Variants in CSNK1G1 observed in about 807,000 individuals in gnomAD.
CSNK1G1 encodes casein kinase 1 gamma 1.
In CSNK1G1, 22 loss-of-function variants were observed where a neutral mutation model predicts 59.6. The observed-to-expected ratio is 0.37, with a 90% CI of 0.26 to 0.53. The LOEUF (loss-of-function observed/expected upper bound fraction) is 0.53, where lower values mean the gene tolerates loss of function less well. CSNK1G1 is among the 20% of genes least tolerant of loss of function. The pLI, the probability that CSNK1G1 is intolerant of heterozygous loss-of-function variation, is 0.89. For missense variants in CSNK1G1, 384 were observed against 519.5 expected, an observed-to-expected ratio of 0.74 and a Z score of 2.54; for synonymous variants, 179 against 177.1, an observed-to-expected ratio of 1.01 and a Z score of -0.08.
chr15:64,171,756 C>A lies in CSNK1G1; in HGVS notation c.*175G>T. 1 of 638,998 alleles carries A rather than the reference C, an allele frequency of 1.6e-6. No individual in the cohort carries two copies. The highest frequency in any genetic ancestry group is 2.8e-6 in the Non-Finnish European group (1 of 360,894). The allele number at this position is 638,998 out of a possible 1,614,324, so 39.6% of individuals were successfully genotyped here. Reference sequence around the variant, plus strand: ...TTAGGCAGGCGGAGATGGCCAATGACCCACTAGGCCCTGGCTGCCCGCACT... The same window carrying A: ...TTAGGCAGGCGGAGATGGCCAATGAACCACTAGGCCCTGGCTGCCCGCACT... On this transcript the variant is annotated 3_prime_UTR_variant, in exon 12 of 12. Transcript: ENST00000303052. The surrounding 1 kb of genome is among the most constrained non-coding windows in gnomAD (Gnocchi z 4.8).
At chr15:64,320,480 A>C (rs1896500703) in intron 1 of CSNK1G1, among the ~76,000 whole-genome samples, 1 of 151,920 alleles carries the variant, frequency 6.6e-6, no homozygotes, top group South Asian at 2.1e-4. Flanking sequence ...GGAGTTCAAG[A>C]CCAGCCTGGC....
In CSNK1G1 at chr15:64,286,361, TTATTGTTAACAA is replaced by T. The variant is rs976136997; in HGVS notation, c.181+13946_181+13957del. Among the ~76,000 whole-genome samples, 24 of 150,604 alleles carry T rather than the reference TTATTGTTAACAA, an allele frequency of 1.6e-4. 1 individual carries two copies. Among genetic ancestry groups the T allele is most frequent in the Admixed American group, 4.6e-4 (7 of 15,166 alleles). On this transcript the variant is annotated intron_variant, in intron 2 of 11. Transcript: ENST00000303052. ...TATTGTTAACAATATTGTTAACATGTTATTGTTAACAATATTGTTAACAATATATTGTTAACT... is the reference window on the plus strand; with the variant it reads ...TATTGTTAACAATATTGTTAACATGTTATTGTTAACAATATATTGTTAACT...
At chr15:64,215,512 C>G (rs1459545725) in intron 5 of CSNK1G1, among the ~76,000 whole-genome samples, 1 of 152,110 alleles carries the variant, frequency 6.6e-6, no homozygotes, top group Non-Finnish European at 1.5e-5. Flanking sequence ...ATTCCCAGCC[C>G]TTTTCTACTA....
chr15:64,211,768 A>G lies in CSNK1G1; in HGVS notation c.679+2122T>C, dbSNP rs531246392. Among the ~76,000 whole-genome samples, 6 of 152,318 alleles carry G rather than the reference A, an allele frequency of 3.9e-5. No individual in the cohort carries two copies. In the East Asian group the frequency reaches 1.2e-3, roughly 29 times the overall value. The stretch of plus-strand genomic sequence containing the variant: ...CAAAATTACATAGCTATTAAGAAAG[A>G]GCGCCAGGATTTGCATCCTTTTTCT... On this transcript the variant is annotated intron_variant, in intron 6 of 11. Transcript: ENST00000303052.
At chr15:64,313,037 T>C (rs1227851344) in intron 1 of CSNK1G1, among the ~76,000 whole-genome samples, 1 of 152,044 alleles carries the variant, frequency 6.6e-6, no homozygotes, top group African/African-American at 2.4e-5. Flanking sequence ...GAAATGCAAA[T>C]CAAAACCACA....
chr15:64,211,281 T>C (rs1472952205), intron 6 of CSNK1G1, among the ~76,000 whole-genome samples: 1 of 152,206 alleles, frequency 6.6e-6, no homozygotes, highest in East Asian at 1.9e-4. Context: ...TCATTTCTTC[T>C]TTGCAACACA....
chr15:64,175,793 A>T (rs1405790498), intron 11 of CSNK1G1, among the ~76,000 whole-genome samples: 2 of 152,222 alleles, frequency 1.3e-5, no homozygotes, highest in Non-Finnish European at 2.9e-5. Context: ...GCTGAATCAA[A>T]AAGTCAGATT....
intron 6 of CSNK1G1, among the ~76,000 whole-genome samples, chr15:64,209,778 G>A (rs762093929): frequency 9.2e-5 from 14 of 152,114 alleles, no homozygotes; most frequent in South Asian, 2.1e-4. Flanking sequence ...ATAGAGAAAC[G>A]ACTCTGCAGT....
At position 64,216,803 on chromosome 15, in the gene CSNK1G1, TA is replaced by T; in HGVS notation, c.293-91del. 2 of 1,198,432 alleles carry T rather than the reference TA, an allele frequency of 1.7e-6. No individual in the cohort carries two copies. The highest frequency in any genetic ancestry group is 2.5e-5 in the East Asian group (1 of 40,554). The allele number at this position is 1,198,432 out of a possible 1,614,324, so 74.2% of individuals were successfully genotyped here. A position where few individuals can be genotyped will look rare whatever the true frequency, so the allele number is the denominator to read the frequency against. On this transcript the variant is annotated intron_variant, in intron 4 of 11. Coordinates refer to ENST00000303052, the MANE Select transcript of CSNK1G1 (RefSeq NM_022048.5). The surrounding 1 kb of genome is among the most constrained non-coding windows in gnomAD (Gnocchi z 4.6). The stretch of plus-strand genomic sequence containing the variant: ...GTATTAGCACTGAATAAAATATTTT[TA>T]AAAGTACAATTTGTGAGATTTCCAT...
chr15:64,306,979 G>A (rs1895711973), intron 1 of CSNK1G1, among the ~76,000 whole-genome samples: 1 of 130,566 alleles, frequency 7.7e-6, no homozygotes, highest in South Asian at 2.9e-4. Context: ...TATTGTGGGT[G>A]GGGAGGGGGG....
intron 1 of CSNK1G1, among the ~76,000 whole-genome samples, chr15:64,324,888 CT>C (rs903009809): frequency 5.9e-5 from 9 of 152,080 alleles, no homozygotes; most frequent in Non-Finnish European, 1.3e-4. Flanking sequence ...AAAATTTATT[CT>C]TTTAGGGAAT....
chr15:64,218,563 A>G (rs1188313160), intron 4 of CSNK1G1, among the ~76,000 whole-genome samples: 1 of 150,972 alleles, frequency 6.6e-6, no homozygotes. Context: ...TTTTTTTTGC[A>G]TTTTTTGGAG....
chr15:64,229,960 C>T (rs1478629243), intron 4 of CSNK1G1, among the ~76,000 whole-genome samples: 1 of 104,264 alleles, frequency 9.6e-6, no homozygotes, highest in Non-Finnish European at 1.8e-5. Flanking sequence ...CTCACTCTGT[C>T]GCCCAGGCTG....
chr15:64,278,377 CGTGTGT>C (rs56064136), intron 2 of CSNK1G1, among the ~76,000 whole-genome samples: 2,820 of 111,446 alleles, frequency 0.025, 41 homozygotes, highest in Middle Eastern at 0.069. Context: ...CATGTATGTG[CGTGTGT>C]GTGTGTGTGT....
At chr15:64,291,156 G>A (rs1190455444) in intron 2 of CSNK1G1, among the ~76,000 whole-genome samples, 1 of 152,118 alleles carries the variant, frequency 6.6e-6, no homozygotes, top group African/African-American at 2.4e-5. Context: ...CAATGTTTCT[G>A]GTTAATTAGG....
intron 2 of CSNK1G1, among the ~76,000 whole-genome samples, chr15:64,278,274 T>C (rs1418626670): frequency 2.0e-5 from 3 of 151,514 alleles, no homozygotes; most frequent in African/African-American, 2.4e-5. Context: ...CTCAAACTAC[T>C]GACCTCAGGT....
At chr15:64,248,710 C>T (rs184307869) in intron 4 of CSNK1G1, among the ~76,000 whole-genome samples, 3 of 152,296 alleles carry the variant, frequency 2.0e-5, no homozygotes, top group Non-Finnish European at 4.4e-5. Context: ...TATGGCCAGG[C>T]ACGGCGGCTC....
At chr15:64,259,482 TTAC>T (rs1892571819) in intron 2 of CSNK1G1, among the ~76,000 whole-genome samples, 1 of 95,822 alleles carries the variant, frequency 1.0e-5, no homozygotes, top group African/African-American at 5.1e-5. Flanking sequence ...CAAATCTCTC[TTAC>T]ACACACACAC....
intron 1 of CSNK1G1, among the ~76,000 whole-genome samples, chr15:64,327,639 A>G (rs970429244): frequency 7.2e-5 from 11 of 151,824 alleles, no homozygotes; most frequent in Non-Finnish European, 1.0e-4. Context: ...AAAGGAACGC[A>G]GTTCCTCACC....
Sources: allele counts gnomAD v4.1 joint callset (sites outside exome capture counted in the v4.1 genomes callset), GRCh38; gene constraint gnomAD v4.1.1; non-coding constraint Gnocchi (gnomAD v3.1); transcripts MANE v1.5; gene names NCBI Gene and HGNC (gene_info 2026-07-23, HGNC 2026-07-21).